The following NOL4L variants were observed in gnomAD, a reference collection of about 807,000 sequenced individuals.
NOL4L encodes the protein nucleolar protein 4 like.
NOL4L carries 7 observed loss-of-function variants against 64.5 expected under a neutral mutation model. The ratio of observed to expected loss-of-function variants is 0.11; its 90% CI spans 0.06 to 0.20. The LOEUF (loss-of-function observed/expected upper bound fraction) is 0.20, where lower values mean the gene tolerates loss of function less well. Ranked by LOEUF, NOL4L falls within the 10% of genes least tolerant of loss-of-function variation. NOL4L has a pLI of 1.00. For missense variants in NOL4L, 680 were observed against 967.1 expected (o/e 0.70, Z 3.94); for synonymous variants, 413 against 401.0 (o/e 1.03, Z -0.36).
At chr20:32,535,285 A>C (rs2018481714) in intron 1 of NOL4L, among the ~76,000 whole-genome samples, 1 of 151,868 alleles carries the variant, frequency 6.6e-6, no homozygotes, top group Non-Finnish European at 1.5e-5. Context: ...AAAAAAAAAA[A>C]AAAACCCTCC....
chr20:32,540,282 G>A (rs1267445756), intron 1 of NOL4L, among the ~76,000 whole-genome samples: 1 of 152,150 alleles, frequency 6.6e-6, no homozygotes, highest in Non-Finnish European at 1.5e-5. Flanking sequence ...CACACACACA[G>A]TCAGTCTGAC....
intron 2 of NOL4L, among the ~76,000 whole-genome samples, chr20:32,522,828 A>G (rs1365925406): frequency 6.6e-6 from 1 of 152,156 alleles, no homozygotes; most frequent in Non-Finnish European, 1.5e-5. Flanking sequence ...AGGCCTCAGG[A>G]GAGCTCAGTG....
At chr20:32,569,638 A>G (rs931714583) in intron 1 of NOL4L, among the ~76,000 whole-genome samples, 3 of 152,122 alleles carry the variant, frequency 2.0e-5, no homozygotes, top group Non-Finnish European at 4.4e-5. Flanking sequence ...CCTGGAGCTC[A>G]GCAAGCCTGG....
intron 1 of NOL4L, 50 bp downstream of exon 1, chr20:32,584,520 C>T: frequency 8.4e-7 from 1 of 1,195,590 alleles, no homozygotes; most frequent in Non-Finnish European, 1.1e-6. Flanking sequence ...CGCCCGCCTG[C>T]CCCAAGCCCC....
intron 5 of NOL4L, among the ~76,000 whole-genome samples, chr20:32,472,476 C>T (rs2015094329): frequency 6.6e-6 from 1 of 152,196 alleles, no homozygotes; most frequent in African/African-American, 2.4e-5. Context: ...CTGCCTAGTC[C>T]TGCGTCAATA....
chr20:32,457,985 A>C (rs2013713662), intron 5 of NOL4L, among the ~76,000 whole-genome samples: 2 of 152,200 alleles, frequency 1.3e-5, no homozygotes, highest in African/African-American at 4.8e-5. Flanking sequence ...CCTGGGGGAC[A>C]GATGTGCCTT....
At chr20:32,542,727 C>T (rs1745813114) in intron 1 of NOL4L, among the ~76,000 whole-genome samples, 1 of 152,178 alleles carries the variant, frequency 6.6e-6, no homozygotes, top group Non-Finnish European at 1.5e-5. Flanking sequence ...TTTCCCCAGC[C>T]ATAACATGAA....
chr20:32,468,917 A>AAGG (rs59033895), intron 5 of NOL4L, among the ~76,000 whole-genome samples: 1 of 109,760 alleles, frequency 9.1e-6, no homozygotes, highest in Admixed American at 9.9e-5. Flanking sequence ...AAAAAAAAAA[A>AAGG]AAAGAAAGAA....
rs1253828456 is a variant in NOL4L at position 32,453,654 on chromosome 20, ATCG to A, written c.1224_1226del (p.Asp410del). On this transcript the variant is annotated inframe_deletion, in exon 7 of 11. Coordinates refer to ENST00000621426, the MANE Select transcript of NOL4L (RefSeq NM_001256798.2). The surrounding 1 kb of genome is among the most constrained non-coding windows in gnomAD (Gnocchi z 5.6). The stretch of plus-strand genomic sequence containing the variant: ...CATTGTCCTCATGGTCATCGTGGTC[ATCG>A]TCGTCATCATCTGCCGTCGGGGCCC... 6.3e-7 allele frequency: 1 copy of A among 1,596,920 alleles called. No homozygotes were observed. Among genetic ancestry groups the A allele is most frequent in the Non-Finnish European group, 8.5e-7 (1 of 1,172,034 alleles).
chr20:32,580,849 C>T (rs768492768), intron 1 of NOL4L, among the ~76,000 whole-genome samples: 1 of 152,236 alleles, frequency 6.6e-6, no homozygotes, highest in Non-Finnish European at 1.5e-5. Context: ...CAGCCCAGGG[C>T]CCCACCTCAG....
intron 4 of NOL4L, among the ~76,000 whole-genome samples, chr20:32,487,941 T>A (rs918878066): frequency 5.3e-5 from 8 of 151,916 alleles, no homozygotes; most frequent in African/African-American, 1.5e-4. Flanking sequence ...TTTATTTTTT[T>A]TTTTTTTTGA....
intron 4 of NOL4L, among the ~76,000 whole-genome samples, chr20:32,498,483 C>T (rs1174113304): frequency 6.6e-6 from 1 of 151,516 alleles, no homozygotes; most frequent in African/African-American, 2.4e-5. Flanking sequence ...CCTATTTTCA[C>T]AGGGCATGGT....
intron 1 of NOL4L, among the ~76,000 whole-genome samples, chr20:32,573,104 C>T (rs1467845031): frequency 6.6e-6 from 1 of 151,426 alleles, no homozygotes; most frequent in African/African-American, 2.4e-5. Flanking sequence ...AGTGGCACAA[C>T]CACGGCTCAC....
intron 1 of NOL4L, chr20:32,548,730 T>C (rs1361952450): frequency 5.3e-6 from 2 of 376,244 alleles, no homozygotes; most frequent in South Asian, 3.8e-5. Flanking sequence ...ATTCAACTCC[T>C]TGGTATAAAC....
intron 1 of NOL4L, among the ~76,000 whole-genome samples, chr20:32,541,769 A>C (rs565628113): frequency 2.0e-5 from 3 of 152,384 alleles, no homozygotes; most frequent in African/African-American, 4.8e-5. Context: ...CCCTCTGTCC[A>C]TGCCCAGGAC....
Position 32,447,825 on chromosome 20 carries a change from A to C in NOL4L, c.1823-9T>G. 1 of 1,530,888 alleles carries C rather than the reference A, an allele frequency of 6.5e-7. No homozygotes were observed. Among genetic ancestry groups the C allele is most frequent in the Non-Finnish European group, 8.8e-7 (1 of 1,138,788 alleles). 94.8% of individuals were successfully genotyped at this position (1,530,888 alleles called of 1,614,324 possible). On this transcript the variant is annotated splice_polypyrimidine_tract_variant and intron_variant, in intron 10 of 10. Transcript: ENST00000621426. ...GCTGAGGTCCGTGGGCCCTGTGGAG[A>C]GGGAAGTAGGGTGAGAAGGGAGCAG...
At chr20:32,572,686 C>T (rs1234017250) in intron 1 of NOL4L, among the ~76,000 whole-genome samples, 1 of 152,146 alleles carries the variant, frequency 6.6e-6, no homozygotes, top group Non-Finnish European at 1.5e-5. Context: ...GGCGCCGTCC[C>T]TCTGACCTCT....
At chr20:32,481,188 A>G (rs537256031) in intron 4 of NOL4L, among the ~76,000 whole-genome samples, 1 of 152,268 alleles carries the variant, frequency 6.6e-6, no homozygotes, top group East Asian at 1.9e-4. Flanking sequence ...TTCCCACTGT[A>G]TATCAAGTGG....
At chr20:32,511,294 G>A (rs747049421) in intron 4 of NOL4L, 53 bp downstream of exon 4, 245 of 1,171,040 alleles carry the variant, frequency 2.1e-4, no homozygotes, top group Non-Finnish European at 2.9e-4. Context: ...ATCAACCACC[G>A]CCAGGCAAGT....
Sources: allele counts gnomAD v4.1 joint callset (sites outside exome capture counted in the v4.1 genomes callset), GRCh38; gene constraint gnomAD v4.1.1; non-coding constraint Gnocchi (gnomAD v3.1); transcripts MANE v1.5; gene names NCBI Gene and HGNC (gene_info 2026-07-23, HGNC 2026-07-21).